CAMK4: variants seen among roughly 807,000 people sequenced by gnomAD.
CAMK4 encodes the protein calcium/calmodulin-dependent protein kinase type IV.
A neutral mutation model predicts 44.9 loss-of-function variants in CAMK4; 22 were observed. That is an observed-to-expected ratio of 0.49 (90% CI 0.35 to 0.70). CAMK4 has a LOEUF of 0.70. Ranked by LOEUF, CAMK4 falls within the 30% of genes least tolerant of loss-of-function variation. The pLI is 0.01. For synonymous variants in CAMK4, 218 were observed against 215.4 expected (o/e 1.01, Z -0.11); for missense variants, 498 against 586.8 (o/e 0.85, Z 1.56).
At chr5:111,405,928 C>G (rs765168264) in intron 5 of CAMK4, among the ~76,000 whole-genome samples, 3 of 152,106 alleles carry the variant, frequency 2.0e-5, no homozygotes, top group Non-Finnish European at 4.4e-5. Flanking sequence ...CTGTCAAGAT[C>G]TATGAGTGTT....
At chr5:111,429,600 C>G (rs576162942) in intron 5 of CAMK4, among the ~76,000 whole-genome samples, 1 of 151,362 alleles carries the variant, frequency 6.6e-6, no homozygotes. Context: ...TGGCGAAACC[C>G]GATCTCTACC....
At chr5:111,321,013 C>G (rs1687320796) in intron 1 of CAMK4, among the ~76,000 whole-genome samples, 1 of 152,138 alleles carries the variant, frequency 6.6e-6, no homozygotes, top group Admixed American at 6.5e-5. Flanking sequence ...GGACTCCTAA[C>G]CACTAGACTG....
chr5:111,282,034 G>C (rs1425228713), intron 1 of CAMK4, among the ~76,000 whole-genome samples: 2 of 151,698 alleles, frequency 1.3e-5, no homozygotes, highest in Non-Finnish European at 1.5e-5. Flanking sequence ...ACTCCAGCCT[G>C]GGCGACAGCG....
chr5:111,344,096 G>GTT lies in CAMK4; in HGVS notation c.234_235insTT (p.Lys79LeufsTer9). On this transcript the variant is annotated frameshift_variant, in exon 2 of 11. Coordinates refer to ENST00000282356, the MANE Select transcript of CAMK4 (RefSeq NM_001744.6). LOFTEE classifies it high-confidence loss of function. The stretch of plus-strand genomic sequence containing the variant: ...AGCCTTATGCTCTCAAAGTGTTAAA[G>GTT]AAAACAGTAAGTTTATTTCTTATAT... 1 of 1,585,524 alleles carries GTT rather than the reference G, an allele frequency of 6.3e-7. No individual in the cohort carries two copies. Among genetic ancestry groups the GTT allele is most frequent in the Non-Finnish European group, 8.7e-7 (1 of 1,155,034 alleles).
intron 1 of CAMK4, among the ~76,000 whole-genome samples, chr5:111,343,649 T>G (rs897557876): frequency 2.0e-5 from 3 of 151,746 alleles, no homozygotes; most frequent in Non-Finnish European, 4.4e-5. Context: ...ATGGTTTGTT[T>G]TATTCCAGAC....
chr5:111,463,603 A>G (rs913383853), intron 7 of CAMK4, among the ~76,000 whole-genome samples: 3 of 152,146 alleles, frequency 2.0e-5, no homozygotes, highest in African/African-American at 4.8e-5. Flanking sequence ...CTTTCCTGCC[A>G]CCTCCACTGG....
At chr5:111,464,970 C>A (rs73789607) in intron 7 of CAMK4, among the ~76,000 whole-genome samples, 1,739 of 152,230 alleles carry the variant, frequency 0.011, 28 homozygotes, top group African/African-American at 0.039. Context: ...TGTGAACACT[C>A]CCAAACCAAG....
At chr5:111,284,384 A>C (rs1275059897) in intron 1 of CAMK4, among the ~76,000 whole-genome samples, 8 of 152,134 alleles carry the variant, frequency 5.3e-5, no homozygotes, top group Non-Finnish European at 1.2e-4. Flanking sequence ...AACTAACGAG[A>C]AACTAAAAAG....
chr5:111,302,795 CACAG>C (rs1378548200), intron 1 of CAMK4, among the ~76,000 whole-genome samples: 1 of 69,418 alleles, frequency 1.4e-5, no homozygotes, highest in Non-Finnish European at 2.6e-5. Context: ...GGGGGCAGGG[CACAG>C]ACAAACAAAA....
intron 1 of CAMK4, among the ~76,000 whole-genome samples, chr5:111,333,168 T>C (rs1749246931): frequency 6.6e-6 from 1 of 151,392 alleles, no homozygotes; most frequent in African/African-American, 2.4e-5. Flanking sequence ...ACACATTAAA[T>C]ATAGTAGATG....
At chr5:111,278,928 C>G (rs974785824) in intron 1 of CAMK4, among the ~76,000 whole-genome samples, 6 of 152,046 alleles carry the variant, frequency 3.9e-5, no homozygotes, top group Admixed American at 3.3e-4. Context: ...TGTAAAATGC[C>G]TTAAGATTGG....
At chr5:111,417,051 T>C (rs2112907595) in intron 5 of CAMK4, among the ~76,000 whole-genome samples, 1 of 152,202 alleles carries the variant, frequency 6.6e-6, no homozygotes, top group Non-Finnish European at 1.5e-5. Flanking sequence ...CAACTTAATT[T>C]TTTTATTTGT....
At chr5:111,243,608 A>G (rs576174896) in intron 1 of CAMK4, among the ~76,000 whole-genome samples, 3 of 152,306 alleles carry the variant, frequency 2.0e-5, no homozygotes, top group South Asian at 2.1e-4. Flanking sequence ...TACTAGCCCT[A>G]TCATGGGAAA....
intron 1 of CAMK4, among the ~76,000 whole-genome samples, chr5:111,308,006 A>C (rs1414428846): frequency 1.0e-5 from 1 of 99,728 alleles, no homozygotes; most frequent in African/African-American, 4.5e-5. Context: ...AAGAACAAAA[A>C]ACCAAACACC....
At chr5:111,325,721 G>A (rs555784722) in intron 1 of CAMK4, among the ~76,000 whole-genome samples, 1 of 151,780 alleles carries the variant, frequency 6.6e-6, no homozygotes, top group Non-Finnish European at 1.5e-5. Context: ...CTTTTTGATG[G>A]GGTTGTTTTT....
At chr5:111,371,224 A>G (rs1458506455) in intron 2 of CAMK4, among the ~76,000 whole-genome samples, 1 of 151,984 alleles carries the variant, frequency 6.6e-6, no homozygotes, top group Admixed American at 6.6e-5. Context: ...CATATCTTAC[A>G]CTACTTCCAT....
At chr5:111,369,395 T>C (rs1750920929) in intron 2 of CAMK4, among the ~76,000 whole-genome samples, 2 of 152,178 alleles carry the variant, frequency 1.3e-5, no homozygotes, top group African/African-American at 4.8e-5. Flanking sequence ...TCAAAATAGC[T>C]ACGCATATTT....
At chr5:111,341,953 A>G (rs890204118) in intron 1 of CAMK4, among the ~76,000 whole-genome samples, 1 of 151,504 alleles carries the variant, frequency 6.6e-6, no homozygotes, top group Non-Finnish European at 1.5e-5. Flanking sequence ...AGCTACCTAT[A>G]TGAAACACAT....
chr5:111,395,211 CAAAAAAAAAAAAAAAAGAAAAAAAAAAAG>C lies in CAMK4; in HGVS notation c.459+435_459+463del, dbSNP rs1184847792. Among the ~76,000 whole-genome samples the C allele has an allele frequency of 5.5e-5, 5 of 90,670 alleles. No individual in the cohort carries two copies. The East Asian group carries it at 1.6e-3, about 29-fold the overall frequency. The allele number at this position is 90,670 out of a possible 152,430, so 59.5% of individuals were successfully genotyped here. A position where few individuals can be genotyped will look rare whatever the true frequency, so the allele number is the denominator to read the frequency against. The stretch of plus-strand genomic sequence containing the variant: ...GACGAGAGAGAGAGAGACCCTGTCT[CAAAAAAAAAAAAAAAAGAAAAAAAAAAAG>C]AAAAAGAAAAAAGAAAAGAAAGAAA... On this transcript the variant is annotated intron_variant, in intron 5 of 10. Transcript: ENST00000282356.
Sources: gnomAD v4.1 joint callset for allele counts (sites outside exome capture counted in the v4.1 genomes callset) on GRCh38, gnomAD v4.1.1 for gene constraint, MANE v1.5 for transcripts, NCBI Gene and HGNC (gene_info 2026-07-23, HGNC 2026-07-21) for gene names.